Variants in PCED1B observed in about 807,000 individuals in gnomAD.
PCED1B encodes PC-esterase domain-containing protein 1B.
For missense variants in PCED1B, 573 were observed against 573.9 expected, an observed-to-expected ratio of 1.00 and a Z score of 0.02; for synonymous variants, 251 against 246.1, an observed-to-expected ratio of 1.02 and a Z score of -0.19.
At position 47,202,534 on chromosome 12, in the gene PCED1B, A is replaced by G. The variant is rs141145352; in HGVS notation, c.-525-13688A>G. 3.0e-3 allele frequency among the ~76,000 whole-genome samples: 405 copies of G among 137,158 alleles called. 1 individual carries two copies. Among genetic ancestry groups the G allele is most frequent in the Admixed American group, 0.029 (349 of 12,204 alleles). The allele number at this position is 137,158 out of a possible 152,430, so 90.0% of individuals were successfully genotyped here. ...CACAGCCCCAGTTTGATCTGATTCTATGTGGTCCCTGATTCCCAGATATTT... is the reference window on the plus strand; with the variant it reads ...CACAGCCCCAGTTTGATCTGATTCTGTGTGGTCCCTGATTCCCAGATATTT... On this transcript the variant is annotated intron_variant, in intron 2 of 3. Coordinates refer to ENST00000546455, the MANE Select transcript of PCED1B (RefSeq NM_138371.3).
At chr12:47,205,311 A>G (rs1354395749) in intron 2 of PCED1B, among the ~76,000 whole-genome samples, 1 of 152,160 alleles carries the variant, frequency 6.6e-6, no homozygotes, top group East Asian at 1.9e-4. Flanking sequence ...TCTACAAAAT[A>G]CCTCAAGCAC....
At chr12:47,107,284 G>A (rs942109890) in intron 2 of PCED1B, among the ~76,000 whole-genome samples, 2 of 152,170 alleles carry the variant, frequency 1.3e-5, no homozygotes, top group South Asian at 2.1e-4. Context: ...GGGAATCTTG[G>A]TGGGGTCAAA....
intron 3 of PCED1B, among the ~76,000 whole-genome samples, chr12:47,229,258 T>C (rs898604203): frequency 2.0e-5 from 3 of 151,480 alleles, no homozygotes; most frequent in African/African-American, 4.8e-5. Flanking sequence ...ACTAAAAATA[T>C]AAAAACTTAG....
intron 1 of PCED1B, among the ~76,000 whole-genome samples, chr12:47,085,183 C>A (rs543644308): frequency 6.6e-6 from 1 of 152,292 alleles, no homozygotes; most frequent in African/African-American, 2.4e-5. Flanking sequence ...TCTCCAGGAA[C>A]CTCAAGAGTT....
intron 2 of PCED1B, among the ~76,000 whole-genome samples, chr12:47,202,932 T>C (rs1942810639): frequency 1.3e-5 from 2 of 151,826 alleles, no homozygotes; most frequent in South Asian, 4.1e-4. Context: ...CTTTCACCTC[T>C]GTATATTCTT....
chr12:47,129,452 G>C (rs943931254), intron 2 of PCED1B, among the ~76,000 whole-genome samples: 73 of 152,174 alleles, frequency 4.8e-4, no homozygotes, highest in African/African-American at 1.7e-3. Flanking sequence ...TCACACCACT[G>C]TACTCCAGCC....
chr12:47,094,900 C>CT lies in PCED1B; in HGVS notation c.-608-9199dup, dbSNP rs59157160. The stretch of plus-strand genomic sequence containing the variant: ...TTCTCTTTTCTTTCTCTCTCTCTTT[C>CT]TTTTTTTTTTTTTTCTTTTTTGAGG... On this transcript the variant is annotated intron_variant, in intron 1 of 3. Coordinates refer to ENST00000546455, the MANE Select transcript of PCED1B (RefSeq NM_138371.3). 9.5e-3 allele frequency among the ~76,000 whole-genome samples: 1,336 copies of CT among 140,082 alleles called. 10 individuals are homozygous for CT. Among genetic ancestry groups the CT allele is most frequent in the African/African-American group, 0.022 (825 of 37,630 alleles). The allele number at this position is 140,082 out of a possible 152,430, so 91.9% of individuals were successfully genotyped here. A position where few individuals can be genotyped will look rare whatever the true frequency, so the allele number is the denominator to read the frequency against.
At chr12:47,138,459 G>A (rs1384136653) in intron 2 of PCED1B, 2 of 152,256 alleles carry the variant, frequency 1.3e-5, no homozygotes, top group Non-Finnish European at 2.9e-5. Context: ...ATCTGATTTT[G>A]GTCTTGCCTT....
rs1015920672 is a variant in PCED1B, at chr12:47,182,716, G to A, written c.-525-33506G>A. Among the ~76,000 whole-genome samples the A allele has an allele frequency of 3.9e-5, 6 of 152,122 alleles. No individual in the cohort carries two copies. The East Asian group carries it at 7.7e-4, about 20-fold the overall frequency. On this transcript the variant is annotated intron_variant, in intron 2 of 3. Coordinates refer to ENST00000546455, the MANE Select transcript of PCED1B (RefSeq NM_138371.3). ...CTATTACTCCCATTGCACAGTTGAC[G>A]AAAACTGTGGCTTAAGTAATTTGCA... is the stretch of plus-strand genomic sequence containing the variant.
intron 3 of PCED1B, among the ~76,000 whole-genome samples, chr12:47,217,482 A>AAG (rs781602752): frequency 8.7e-6 from 1 of 115,152 alleles, no homozygotes; most frequent in Non-Finnish European, 1.7e-5. Flanking sequence ...GAAAGAAAGA[A>AAG]AGAAAGAAAG....
intron 2 of PCED1B, among the ~76,000 whole-genome samples, chr12:47,212,179 C>T (rs1231095051): frequency 6.6e-6 from 1 of 151,406 alleles, no homozygotes; most frequent in African/African-American, 2.4e-5. Flanking sequence ...AGGTGGGAGA[C>T]TGAGGTGTGA....
chr12:47,201,911 A>G (rs1027478164), intron 2 of PCED1B, among the ~76,000 whole-genome samples: 1 of 152,138 alleles, frequency 6.6e-6, no homozygotes, highest in Non-Finnish European at 1.5e-5. Flanking sequence ...GGAAGCAAAT[A>G]TTTTTAAGTT....
At chr12:47,159,821 G>A (rs551253082) in intron 2 of PCED1B, among the ~76,000 whole-genome samples, 12 of 151,672 alleles carry the variant, frequency 7.9e-5, no homozygotes, top group East Asian at 5.8e-4. Flanking sequence ...CAAAACCAAC[G>A]TCCTAAAATG....
intron 2 of PCED1B, among the ~76,000 whole-genome samples, chr12:47,164,291 T>C (rs1451770172): frequency 6.6e-6 from 1 of 152,172 alleles, no homozygotes; most frequent in Admixed American, 6.5e-5. Context: ...TTTTAAAACT[T>C]ATTTACTTTC....
chr12:47,112,333 C>A (rs1033897787), intron 2 of PCED1B, among the ~76,000 whole-genome samples: 1 of 152,200 alleles, frequency 6.6e-6, no homozygotes, highest in African/African-American at 2.4e-5. Flanking sequence ...CTTCCAAATA[C>A]AGAGTCTTGA....
chr12:47,190,317 T>G (rs1942403149), intron 2 of PCED1B, among the ~76,000 whole-genome samples: 2 of 152,124 alleles, frequency 1.3e-5, no homozygotes, highest in Non-Finnish European at 1.5e-5. Flanking sequence ...TGGGCTTCAG[T>G]TTCCAAAATA....
At position 47,236,109 on chromosome 12, in the gene PCED1B, A is replaced by T; in HGVS notation, c.1046A>T (p.Gln349Leu). 1 of 1,614,022 alleles carries T rather than the reference A, an allele frequency of 6.2e-7. No individual in the cohort carries two copies. The highest frequency in any genetic ancestry group is 8.5e-7 in the Non-Finnish European group (1 of 1,180,018). ...TGTTTTTCCTCAGACCATACTTTCC[A>T]GTCGGATCAATTCTATTGCCATTCA... ...DACFSSDHTF[Q>L]SDQFYCHSDV... The change falls in exon 4 of 4, where the codon CAG (glutamine) becomes CTG (leucine). Residue 349 changes from glutamine to leucine, a missense_variant. Physicochemically the swap from Gln to Leu is moderately radical, Grantham distance 113. Transcript: ENST00000546455.
chr12:47,182,208 A>C (rs1942116205), intron 2 of PCED1B, among the ~76,000 whole-genome samples: 1 of 152,142 alleles, frequency 6.6e-6, no homozygotes, highest in African/African-American at 2.4e-5. Flanking sequence ...TATTTACCTG[A>C]TTTGGTTAGA....
intron 2 of PCED1B, among the ~76,000 whole-genome samples, chr12:47,183,423 C>A (rs1252801181): frequency 6.6e-6 from 1 of 152,148 alleles, no homozygotes; most frequent in Non-Finnish European, 1.5e-5. Flanking sequence ...CTAACATGTG[C>A]TCTGTGGGAC....
Sources: gnomAD v4.1 joint callset for allele counts (sites outside exome capture counted in the v4.1 genomes callset) on GRCh38, gnomAD v4.1.1 for gene constraint, MANE v1.5 for transcripts, NCBI Gene and HGNC (gene_info 2026-07-23, HGNC 2026-07-21) for gene names.